The following MALRD1 variants were observed in gnomAD, a reference collection of about 807,000 sequenced individuals.
MALRD1 encodes MAM and LDL-receptor class A domain-containing protein 1.
In MALRD1, 247 loss-of-function variants were observed where a neutral mutation model predicts 242.1. The observed-to-expected ratio is 1.02, with a 90% CI of 0.92 to 1.13. MALRD1 has a LOEUF of 1.13. Ranked by LOEUF, MALRD1 falls within the 50% of genes most tolerant of loss-of-function variation. The pLI, the probability that MALRD1 is intolerant of heterozygous loss-of-function variation, is 0.00. For synonymous variants in MALRD1, 995 were observed against 866.6 expected, an observed-to-expected ratio of 1.15 and a Z score of -2.60; for missense variants, 2,989 against 2,533.1, an observed-to-expected ratio of 1.18 and a Z score of -3.86.
intron 2 of MALRD1, among the ~76,000 whole-genome samples, chr10:19,072,786 G>A (rs1275855519): frequency 2.0e-5 from 3 of 151,762 alleles, no homozygotes; most frequent in East Asian, 1.9e-4. Flanking sequence ...CAATTAAGGG[G>A]GAAATTTTTT....
chr10:19,397,726 C>T lies in MALRD1; in HGVS notation c.4845+8117C>T, dbSNP rs138732838. ...AACAGTCTGCAAGGGGACAGTGTTA[C>T]TGGGTGTATAACACTTGTTATACTA... On this transcript the variant is annotated intron_variant, in intron 28 of 39. Coordinates refer to ENST00000454679, the MANE Select transcript of MALRD1 (RefSeq NM_001142308.3). Among the ~76,000 whole-genome samples, 377 of 152,202 alleles carry T rather than the reference C, an allele frequency of 2.5e-3. 2 individuals carry two copies. Among genetic ancestry groups the T allele is most frequent in the African/African-American group, 8.7e-3 (363 of 41,548 alleles).
intron 31 of MALRD1, among the ~76,000 whole-genome samples, chr10:19,506,766 G>A (rs186307535): frequency 6.6e-6 from 1 of 152,130 alleles, no homozygotes; most frequent in African/African-American, 2.4e-5. Flanking sequence ...AGTATTTAAA[G>A]ATGGTGCAAT....
At chr10:19,187,760 T>C (rs901877061) in intron 14 of MALRD1, among the ~76,000 whole-genome samples, 1 of 151,960 alleles carries the variant, frequency 6.6e-6, no homozygotes, top group African/African-American at 2.4e-5. Context: ...AACTAAAACA[T>C]TGAGTTCACA....
At chr10:19,467,966 G>C (rs1444370903) in intron 29 of MALRD1, among the ~76,000 whole-genome samples, 1 of 151,874 alleles carries the variant, frequency 6.6e-6, no homozygotes, top group African/African-American at 2.4e-5. Flanking sequence ...GCTAATTTTT[G>C]TATGTTTAGT....
At chr10:19,319,840 G>T (rs1019669764) in intron 21 of MALRD1, among the ~76,000 whole-genome samples, 6 of 151,766 alleles carry the variant, frequency 4.0e-5, no homozygotes, top group African/African-American at 1.5e-4. Flanking sequence ...TGAATTTGGG[G>T]GGAACACAAA....
chr10:19,334,653 A>G (rs1265827107), intron 24 of MALRD1, among the ~76,000 whole-genome samples: 1 of 151,842 alleles, frequency 6.6e-6, no homozygotes, highest in East Asian at 1.9e-4. Flanking sequence ...TATTTATTAT[A>G]TCCATTATTA....
rs147972856 is a variant in MALRD1, at chr10:19,096,248, C to T, written c.598-7731C>T. On this transcript the variant is annotated intron_variant, in intron 4 of 39. Coordinates refer to ENST00000454679, the MANE Select transcript of MALRD1 (RefSeq NM_001142308.3). ...CTGAGTTCTGATGATTAAATATGTG[C>T]AGTAGATCAATAAAAAAACGTAAAA... 2.2e-3 allele frequency among the ~76,000 whole-genome samples: 338 copies of T among 152,132 alleles called. 1 individual carries two copies. Among genetic ancestry groups the T allele is most frequent in the African/African-American group, 7.8e-3 (325 of 41,494 alleles).
intron 28 of MALRD1, among the ~76,000 whole-genome samples, chr10:19,416,762 C>T (rs1052493138): frequency 6.6e-6 from 1 of 152,160 alleles, no homozygotes; most frequent in Non-Finnish European, 1.5e-5. Flanking sequence ...CTACAAACAT[C>T]TTAAAAAGGT....
chr10:19,641,475 A>G (rs1840382723), intron 36 of MALRD1, among the ~76,000 whole-genome samples: 1 of 152,168 alleles, frequency 6.6e-6, no homozygotes, highest in African/African-American at 2.4e-5. Context: ...ACTAAGAAAG[A>G]TGTATAATTT....
chr10:19,420,900 C>T (rs1453443920), intron 28 of MALRD1, among the ~76,000 whole-genome samples: 1 of 152,144 alleles, frequency 6.6e-6, no homozygotes, highest in East Asian at 1.9e-4. Flanking sequence ...GGGTGCATTT[C>T]ATTTTTTATG....
In MALRD1 at chr10:19,283,053, G is replaced by C. The variant is rs542247323; in HGVS notation, c.3291G>C (p.Leu1097=). ...MEVCSFEKRS[L]CKWYQPIPVH... ...TTTGCAGCTTTGAGAAAAGAAGCCT[G>C]TGTAAATGGTATCAACCAATCCCAG... is the stretch of plus-strand genomic sequence containing the variant. The change falls in exon 21 of 40, where the codon CTG becomes CTC. Residue 1097 remains leucine (L), a synonymous_variant. Transcript: ENST00000454679. 5 of 1,549,156 alleles carry C rather than the reference G, an allele frequency of 3.2e-6. No individual in the cohort carries two copies. Among genetic ancestry groups the C allele is most frequent in the African/African-American group, 1.4e-5 (1 of 73,078 alleles).
chr10:19,243,048 C>T (rs1838861787), intron 18 of MALRD1, among the ~76,000 whole-genome samples: 2 of 144,730 alleles, frequency 1.4e-5, no homozygotes. Flanking sequence ...TGGTGCTAAG[C>T]TTTGTTTCTT....
At chr10:19,482,198 C>T (rs1472439186) in intron 29 of MALRD1, among the ~76,000 whole-genome samples, 1 of 151,966 alleles carries the variant, frequency 6.6e-6, no homozygotes, top group Non-Finnish European at 1.5e-5. Flanking sequence ...TTGCACTGCT[C>T]AATAGCAATC....
chr10:19,734,394 A>G lies in MALRD1; in HGVS notation c.*157A>G, dbSNP rs1374194277. The G allele has an allele frequency of 5.3e-6, 3 of 564,574 alleles. No homozygotes were observed. Among genetic ancestry groups the G allele is most frequent in the Non-Finnish European group, 9.0e-6 (3 of 334,014 alleles). 35.0% of individuals were successfully genotyped at this position (564,574 alleles called of 1,614,324 possible). A position where few individuals can be genotyped will look rare whatever the true frequency, so the allele number is the denominator to read the frequency against. On this transcript the variant is annotated 3_prime_UTR_variant, in exon 40 of 40. Coordinates refer to ENST00000454679, the MANE Select transcript of MALRD1 (RefSeq NM_001142308.3). ...TTATGAATGAATTTTCTTGCAGAAT[A>G]TAGAGAATGTTTATATGGAATCAGA... is the stretch of plus-strand genomic sequence containing the variant.
At chr10:19,261,695 A>G (rs1361487034) in intron 19 of MALRD1, among the ~76,000 whole-genome samples, 1 of 151,816 alleles carries the variant, frequency 6.6e-6, no homozygotes, top group African/African-American at 2.4e-5. Flanking sequence ...GTGGGTTTCT[A>G]TCTTACCTAC....
At chr10:19,076,117 C>G (rs2884422) in intron 2 of MALRD1, among the ~76,000 whole-genome samples, 5 of 151,556 alleles carry the variant, frequency 3.3e-5, no homozygotes, top group African/African-American at 1.2e-4. Flanking sequence ...ATGTGTTTAA[C>G]TTTTTTATTC....
chr10:19,416,311 A>G (rs577503564), intron 28 of MALRD1, among the ~76,000 whole-genome samples: 1 of 152,188 alleles, frequency 6.6e-6, no homozygotes, highest in Admixed American at 6.5e-5. Flanking sequence ...TTTCCACAAT[A>G]TGTGATTTGT....
At chr10:19,517,529 A>G (rs1216142771) in intron 31 of MALRD1, among the ~76,000 whole-genome samples, 2 of 152,190 alleles carry the variant, frequency 1.3e-5, no homozygotes, top group Admixed American at 6.5e-5. Context: ...CACCTTTGAT[A>G]AAGTTCACCC....
intron 24 of MALRD1, among the ~76,000 whole-genome samples, chr10:19,333,541 C>T (rs1329168369): frequency 1.3e-5 from 2 of 152,126 alleles, no homozygotes; most frequent in Admixed American, 6.6e-5. Flanking sequence ...TTTATTCAAT[C>T]CACCATTGAT....
Sources: allele counts gnomAD v4.1 joint callset (sites outside exome capture counted in the v4.1 genomes callset), GRCh38; gene constraint gnomAD v4.1.1; transcripts MANE v1.5; gene names NCBI Gene and HGNC (gene_info 2026-07-23, HGNC 2026-07-21).